ZHX3: variants seen among roughly 807,000 people sequenced by gnomAD.
The protein encoded by ZHX3 is zinc fingers and homeoboxes protein 3.
A neutral mutation model predicts 64.5 loss-of-function variants in ZHX3; 20 were observed. The ratio of observed to expected loss-of-function variants is 0.31; its 90% confidence interval spans 0.22 to 0.45. The LOEUF (loss-of-function observed/expected upper bound fraction) is 0.45. Among genes scored for constraint, ZHX3 ranks in the 20% least tolerant of loss-of-function variants. The pLI is 1.00. For missense variants in ZHX3, 1,041 were observed against 1,195.8 expected (o/e 0.87, Z 1.91); for synonymous variants, 423 against 461.6 (o/e 0.92, Z 1.07).
chr20:41,253,148 C>A (rs569790889), intron 2 of ZHX3, among the ~76,000 whole-genome samples: 2 of 151,686 alleles, frequency 1.3e-5, no homozygotes, highest in Non-Finnish European at 2.9e-5. Context: ...AGAGGAAACA[C>A]AATTTTGCAA....
rs2038289318 is a variant in ZHX3 at position 41,202,258 on chromosome 20, T to C, written c.2659A>G (p.Met887Val). The C allele has an allele frequency of 1.2e-6, 2 of 1,613,982 alleles. No homozygotes were observed. The highest frequency in any genetic ancestry group is 1.7e-5 in the Admixed American group (1 of 60,002). ...GCCACGGCTCTGGTCTCCTCCCCCATTTTCTCAGCAAACCACTGCTTGACC... is the reference window on the plus strand; with the variant it reads ...GCCACGGCTCTGGTCTCCTCCCCCACTTTCTCAGCAAACCACTGCTTGACC... ...QQVKQWFAEK[M>V]GEETRAVADT... The change falls in exon 3 of 4, where the codon ATG (methionine) becomes GTG (valine). Residue 887 changes from methionine to valine, a missense_variant. Physicochemically the swap from Met to Val is conservative, Grantham distance 21. This residue lies in a region of ZHX3 where 649 missense variants were observed against 739.8 expected (regional missense o/e 0.88). Transcript: ENST00000683867. This position sits in a 1 kb window ranked among gnomAD's most constrained non-coding sequence, Gnocchi z 7.0.
At chr20:41,207,672 A>G in intron 2 of ZHX3, among the ~76,000 whole-genome samples, 1 of 152,276 alleles carries the variant, frequency 6.6e-6, no homozygotes, top group East Asian at 1.9e-4. Flanking sequence ...ACATACCAGA[A>G]TCTCTGGGAC....
intron 2 of ZHX3, among the ~76,000 whole-genome samples, chr20:41,222,219 C>T (rs1174342369): frequency 3.3e-5 from 5 of 152,040 alleles, no homozygotes; most frequent in Admixed American, 1.3e-4. Flanking sequence ...AAAGTAAAGC[C>T]GAAAAGACTT....
chr20:41,226,909 C>A lies in ZHX3; in HGVS notation c.-150-21843G>T, dbSNP rs1361667838. ...CTAAGCCCCCTGGAACAATAGAGGGCTATGGCTCTACCTTAGTCGGCCCAG... is the reference window on the plus strand; with the variant it reads ...CTAAGCCCCCTGGAACAATAGAGGGATATGGCTCTACCTTAGTCGGCCCAG... On this transcript the variant is annotated intron_variant, in intron 2 of 3. Transcript: ENST00000683867. This position sits in a 1 kb window ranked among gnomAD's most constrained non-coding sequence, Gnocchi z 4.4. 6.6e-6 allele frequency among the ~76,000 whole-genome samples: 1 copy of A among 152,184 alleles called. No homozygotes were observed. Among genetic ancestry groups the A allele is most frequent in the African/African-American group, 2.4e-5 (1 of 41,434 alleles).
Position 41,223,619 on chromosome 20 carries a change from A to G in ZHX3, c.-150-18553T>C, listed in dbSNP as rs78957104. Among the ~76,000 whole-genome samples the G allele has an allele frequency of 3.5e-3, 526 of 152,350 alleles. 3 individuals carry two copies. Among genetic ancestry groups the G allele is most frequent in the African/African-American group, 0.012 (501 of 41,588 alleles). On this transcript the variant is annotated intron_variant, in intron 2 of 3. Transcript: ENST00000683867. ...CTCGAGAAAAATATGTGAGAAACTA[A>G]TAATAGTGTTTGCCCCTGGCGAGGG...
intron 1 of ZHX3, among the ~76,000 whole-genome samples, chr20:41,299,089 G>C (rs1161047590): frequency 1.3e-5 from 2 of 152,112 alleles, no homozygotes; most frequent in African/African-American, 4.8e-5. Flanking sequence ...ACATAATTGG[G>C]AATCAATAGA....
At chr20:41,230,636 TAA>T in intron 2 of ZHX3, among the ~76,000 whole-genome samples, 1 of 152,234 alleles carries the variant, frequency 6.6e-6, no homozygotes, top group East Asian at 1.9e-4. Flanking sequence ...AATTACATGT[TAA>T]AATATTAGTA....
chr20:41,202,655 A>G lies in ZHX3; in HGVS notation c.2262T>C (p.Asp754=). ...GCTGCTCTGCCAGTTTGTTTGACTC[A>G]TCATCCTCAGGGTCACAGGCACCCA... ...PGLGACDPED[D]ESNKLAEQLP... The change falls in exon 3 of 4, where the codon GAT becomes GAC. Residue 754 remains aspartate (D), a synonymous_variant. Transcript: ENST00000683867. This position sits in a 1 kb window ranked among gnomAD's most constrained non-coding sequence, Gnocchi z 7.0. 1 of 1,613,970 alleles carries G rather than the reference A, an allele frequency of 6.2e-7. No individual in the cohort carries two copies. Among genetic ancestry groups the G allele is most frequent in the Non-Finnish European group, 8.5e-7 (1 of 1,180,000 alleles).
Position 41,246,263 on chromosome 20 carries a change from C to T in ZHX3, c.-151+22727G>A, listed in dbSNP as rs114769175. On this transcript the variant is annotated intron_variant, in intron 2 of 3. Coordinates refer to ENST00000683867, the MANE Select transcript of ZHX3 (RefSeq NM_001384317.1). ...ATGTTTTCTGAGACCTATTAAAGCA[C>T]ACATTTACTAAAATTTACATTAAGT... 5.4e-3 allele frequency among the ~76,000 whole-genome samples: 825 copies of T among 152,310 alleles called. 8 individuals are homozygous for T. The highest frequency in any genetic ancestry group is 0.017 in the African/African-American group (697 of 41,556).
intron 2 of ZHX3, among the ~76,000 whole-genome samples, chr20:41,242,085 G>C (rs1475764545): frequency 2.0e-5 from 3 of 152,022 alleles, no homozygotes; most frequent in Non-Finnish European, 4.4e-5. Context: ...AGGGTACAAG[G>C]AGGAAGAGTT....
In ZHX3 at chr20:41,257,616, T is replaced by C. The variant is rs369399186; in HGVS notation, c.-151+11374A>G. ...AGGATTTGTTTTCTTTTCTTTCTTTTTTTTTTTTTTTTTGAGACAGAGTCT... is the reference window on the plus strand; with the variant it reads ...AGGATTTGTTTTCTTTTCTTTCTTTCTTTTTTTTTTTTTGAGACAGAGTCT... On this transcript the variant is annotated intron_variant, in intron 2 of 3. Coordinates refer to ENST00000683867, the MANE Select transcript of ZHX3 (RefSeq NM_001384317.1). Among the ~76,000 whole-genome samples the C allele has an allele frequency of 7.4e-4, 111 of 150,058 alleles. 1 individual carries two copies. The East Asian group carries it at 0.015, about 20-fold the overall frequency.
rs774299186 is a variant in ZHX3, at chr20:41,204,594, G to T, written c.323C>A (p.Thr108Asn). The part of the protein sequence containing the change: ...SEHTDFNKDP[T>N]FVCSGCSFLA... ...AAAACTGCACCCACTGCATACAAAG[G>T]TTGGGTCTTTATTAAAGTCTGTGTG... The change falls in exon 3 of 4, where the codon ACC becomes AAC. Residue 108 changes from threonine (T) to asparagine (N), a missense_variant. Thr to Asn is a moderately conservative substitution (Grantham distance 65, BLOSUM62 0). Around this residue, in one of 4 missense-constraint regions of ZHX3, gnomAD observed 358 missense variants for 369.1 expected, o/e 0.97. Coordinates refer to ENST00000683867, the MANE Select transcript of ZHX3 (RefSeq NM_001384317.1). This position sits in a 1 kb window ranked among gnomAD's most constrained non-coding sequence, Gnocchi z 6.6. 12 of 1,614,110 alleles carry T rather than the reference G, an allele frequency of 7.4e-6. No homozygotes were observed. Among genetic ancestry groups the T allele is most frequent in the Non-Finnish European group, 8.5e-6 (10 of 1,180,052 alleles).
At position 41,228,113 on chromosome 20, in the gene ZHX3, C is replaced by A. The variant is rs903427722; in HGVS notation, c.-150-23047G>T. On this transcript the variant is annotated intron_variant, in intron 2 of 3. Coordinates refer to ENST00000683867, the MANE Select transcript of ZHX3 (RefSeq NM_001384317.1). This position sits in a 1 kb window ranked among gnomAD's most constrained non-coding sequence, Gnocchi z 4.6. ...ACTCAGGACCCAAAGGAAGTTAAGA[C>A]CCACACCTCTATAACCTCTCCAAAG... Among the ~76,000 whole-genome samples, 2 of 152,106 alleles carry A rather than the reference C, an allele frequency of 1.3e-5. No individual in the cohort carries two copies. Among genetic ancestry groups the A allele is most frequent in the African/African-American group, 4.8e-5 (2 of 41,436 alleles).
At chr20:41,303,406 G>A (rs576309934) in intron 1 of ZHX3, among the ~76,000 whole-genome samples, 1 of 152,130 alleles carries the variant, frequency 6.6e-6, no homozygotes, top group East Asian at 1.9e-4. Context: ...ACAATGAGAA[G>A]CAAAAATCAA....
chr20:41,199,893 G>GTTTTA (rs1373126983), intron 3 of ZHX3, among the ~76,000 whole-genome samples: 1 of 152,004 alleles, frequency 6.6e-6, no homozygotes, highest in Non-Finnish European at 1.5e-5. Flanking sequence ...TAGAGACAGG[G>GTTTTA]TTTTACCATG....
chr20:41,266,796 C>T (rs552057647), intron 2 of ZHX3, among the ~76,000 whole-genome samples: 5 of 149,498 alleles, frequency 3.3e-5, no homozygotes, highest in South Asian at 4.3e-4. Context: ...CTGCCTGCCT[C>T]GGCCTCCCAA....
intron 1 of ZHX3, among the ~76,000 whole-genome samples, chr20:41,295,833 A>G (rs2044485978): frequency 6.6e-6 from 1 of 151,852 alleles, no homozygotes; most frequent in African/African-American, 2.4e-5. Flanking sequence ...CCTGGGCGAC[A>G]CAACGAGACT....
intron 1 of ZHX3, among the ~76,000 whole-genome samples, chr20:41,298,756 G>T (rs2146795279): frequency 6.6e-6 from 1 of 152,292 alleles, no homozygotes; most frequent in Non-Finnish European, 1.5e-5. Context: ...GACTAAGGAG[G>T]AAGTTTACAT....
At chr20:41,254,932 G>A (rs1472431600) in intron 2 of ZHX3, among the ~76,000 whole-genome samples, 1 of 152,030 alleles carries the variant, frequency 6.6e-6, no homozygotes, top group Admixed American at 6.6e-5. Flanking sequence ...ACTACAATGG[G>A]CAGGCGATAC....
Sources: gnomAD v4.1 joint callset for allele counts (sites outside exome capture counted in the v4.1 genomes callset) on GRCh38, gnomAD v4.1.1 for gene constraint, gnomAD v4.1.1 regional missense constraint, Gnocchi (gnomAD v3.1) non-coding constraint, MANE v1.5 for transcripts, NCBI Gene and HGNC (gene_info 2026-07-23, HGNC 2026-07-21) for gene names.